The following ZNF423 variants were observed in gnomAD, a reference collection of about 807,000 sequenced individuals.
ZNF423 encodes the protein Ebf-associated zinc finger protein.
Under a neutral mutation model 95.8 loss-of-function variants are expected in ZNF423, and 12 were observed. The observed-to-expected ratio is 0.13, with a 90% confidence interval of 0.08 to 0.20. The LOEUF (loss-of-function observed/expected upper bound fraction) is 0.20. ZNF423 is among the 10% of genes least tolerant of loss of function. ZNF423 has a pLI of 1.00. For missense variants in ZNF423, 1,316 were observed against 1,737.1 expected, an observed-to-expected ratio of 0.76 and a Z score of 4.31; for synonymous variants, 749 against 711.9, an observed-to-expected ratio of 1.05 and a Z score of -0.83.
At chr16:49,683,719 G>A (rs895632311) in intron 3 of ZNF423, among the ~76,000 whole-genome samples, 3 of 152,176 alleles carry the variant, frequency 2.0e-5, no homozygotes, top group East Asian at 1.9e-4. Context: ...CCAGCTCCTC[G>A]AGAGGGCATT....
chr16:49,529,310 G>C (rs1968750174), intron 5 of ZNF423, among the ~76,000 whole-genome samples: 2 of 151,718 alleles, frequency 1.3e-5, no homozygotes, highest in Non-Finnish European at 1.5e-5. Context: ...GATTTATTAT[G>C]ATTAAAAAAA....
chr16:49,853,889 G>C (rs2035328378), intron 1 of ZNF423: 5 of 985,382 alleles, frequency 5.1e-6, no homozygotes. Flanking sequence ...AGGTAAGCAA[G>C]CTTTGCAAAC....
At chr16:49,655,331 C>T (rs923847745) in intron 3 of ZNF423, among the ~76,000 whole-genome samples, 6 of 152,178 alleles carry the variant, frequency 3.9e-5, no homozygotes, top group Admixed American at 3.3e-4. Context: ...GGGATCTGGA[C>T]TCCCCAGCCC....
At chr16:49,670,102 G>A (rs931786000) in intron 3 of ZNF423, among the ~76,000 whole-genome samples, 1 of 152,186 alleles carries the variant, frequency 6.6e-6, no homozygotes, top group Non-Finnish European at 1.5e-5. Context: ...GGAGGCTCAC[G>A]CCAGGGCTGG....
rs1209513984 is a variant in ZNF423, at chr16:49,525,312, G to A, written c.3733+51C>T. ...CTGGGATCCCGCAATAACAGGGCAGGGCTCCTGTGTTCATCTCTCTCCCCT... is the reference window on the plus strand; with the variant it reads ...CTGGGATCCCGCAATAACAGGGCAGAGCTCCTGTGTTCATCTCTCTCCCCT... On this transcript the variant is annotated intron_variant, in intron 6 of 7. Transcript: ENST00000563137. 4 of 1,603,402 alleles carry A rather than the reference G, an allele frequency of 2.5e-6. No homozygotes were observed. In the African/African-American group the frequency reaches 4.0e-5, roughly 16 times the overall value.
intron 2 of ZNF423, among the ~76,000 whole-genome samples, chr16:49,778,948 C>T (rs528970775): frequency 5.6e-4 from 85 of 152,226 alleles, no homozygotes; most frequent in African/African-American, 1.9e-3. Flanking sequence ...TCCCCATTTC[C>T]GATGAGAAAA....
chr16:49,780,499 C>CT (rs1274947575), intron 2 of ZNF423: 1 of 152,260 alleles, frequency 6.6e-6, no homozygotes, highest in African/African-American at 2.4e-5. Context: ...TGCATGCATC[C>CT]GTGTGCACAC....
intron 3 of ZNF423, among the ~76,000 whole-genome samples, chr16:49,678,722 C>A (rs1294357727): frequency 6.6e-6 from 1 of 152,192 alleles, no homozygotes; most frequent in Non-Finnish European, 1.5e-5. Context: ...TTGGGTATGG[C>A]TGTCTTTCAC....
intron 1 of ZNF423, among the ~76,000 whole-genome samples, chr16:49,834,044 G>A (rs1313553972): frequency 1.3e-5 from 2 of 152,236 alleles, no homozygotes; most frequent in East Asian, 3.8e-4. Flanking sequence ...GCCAACACCC[G>A]AGCAGGACAG....
chr16:49,659,452 G>A (rs1018075599), intron 3 of ZNF423, among the ~76,000 whole-genome samples: 1 of 152,198 alleles, frequency 6.6e-6, no homozygotes, highest in African/African-American at 2.4e-5. Context: ...CCCATTTTAC[G>A]ATGTATTGTG....
At chr16:49,858,484 G>C (rs369124080), upstream of ZNF423, among the ~76,000 whole-genome samples, 4 of 151,914 alleles carry the variant, frequency 2.6e-5, no homozygotes, top group African/African-American at 9.7e-5. The surrounding 1 kb of genome is among the most constrained non-coding windows in gnomAD (Gnocchi z 4.3). Flanking sequence ...AGTCTCAGAG[G>C]TAGAGTCGGG....
At chr16:49,556,743 T>G (rs753022706) in intron 5 of ZNF423, among the ~76,000 whole-genome samples, 7 of 152,256 alleles carry the variant, frequency 4.6e-5, no homozygotes, top group Non-Finnish European at 1.0e-4. Context: ...CGTGTACTTA[T>G]AGAACACTGT....
intron 1 of ZNF423, among the ~76,000 whole-genome samples, chr16:49,807,713 GGT>G (rs2034687733): frequency 1.3e-5 from 2 of 152,210 alleles, no homozygotes; most frequent in African/African-American, 4.8e-5. Context: ...CCTGGCAGCT[GGT>G]CCCACCAAGG....
intron 5 of ZNF423, among the ~76,000 whole-genome samples, chr16:49,557,963 G>C (rs1370343591): frequency 1.3e-5 from 2 of 152,220 alleles, no homozygotes; most frequent in East Asian, 3.9e-4. Flanking sequence ...GCCTCAAACA[G>C]GGAAACAGCC....
intron 1 of ZNF423, among the ~76,000 whole-genome samples, chr16:49,807,300 G>A (rs1044219046): frequency 1.3e-5 from 2 of 151,476 alleles, no homozygotes; most frequent in African/African-American, 2.4e-5. Context: ...GCGTGGTGGC[G>A]GGCACCTGTA....
intron 1 of ZNF423, among the ~76,000 whole-genome samples, chr16:49,827,438 G>T (rs188752879): frequency 7.7e-4 from 117 of 152,274 alleles, no homozygotes; most frequent in African/African-American, 2.6e-3. Context: ...CACTGCAGCA[G>T]CAAGAACCCT....
At position 49,603,041 on chromosome 16, in the gene ZNF423, A is replaced by C. The variant is rs1971426626; in HGVS notation, c.3601+23129T>G. On this transcript the variant is annotated intron_variant, in intron 5 of 7. Coordinates refer to ENST00000563137, the MANE Select transcript of ZNF423 (RefSeq NM_001379286.1). The surrounding 1 kb of genome is among the most constrained non-coding windows in gnomAD (Gnocchi z 4.1). ...ACGTGTCCCTGAAATGCCAAGGAGA[A>C]AGGGAGGATGGGAGGAGGAGGTTCC... 6.6e-6 allele frequency among the ~76,000 whole-genome samples: 1 copy of C among 152,136 alleles called. No homozygotes were observed. Among genetic ancestry groups the C allele is most frequent in the African/African-American group, 2.4e-5 (1 of 41,444 alleles).
intron 2 of ZNF423, among the ~76,000 whole-genome samples, chr16:49,749,802 G>GT (rs1303566680): frequency 6.6e-6 from 1 of 151,582 alleles, no homozygotes; most frequent in Non-Finnish European, 1.5e-5. Flanking sequence ...TTGGGGAGGG[G>GT]TGGGGGTGGG....
intron 5 of ZNF423, among the ~76,000 whole-genome samples, chr16:49,536,105 G>A (rs1265737155): frequency 1.3e-5 from 2 of 152,004 alleles, no homozygotes; most frequent in African/African-American, 4.8e-5. Context: ...TTACCAACGG[G>A]CACACACAAA....
Sources: gnomAD v4.1 joint callset for allele counts (sites outside exome capture counted in the v4.1 genomes callset) on GRCh38, gnomAD v4.1.1 for gene constraint, Gnocchi (gnomAD v3.1) non-coding constraint, MANE v1.5 for transcripts, NCBI Gene and HGNC (gene_info 2026-07-23, HGNC 2026-07-21) for gene names.